Variants in CDH12 observed in about 807,000 individuals in gnomAD.
CDH12 encodes the protein cadherin 12.
Under a neutral mutation model 74.1 loss-of-function variants are expected in CDH12, and 41 were observed. The observed-to-expected ratio is 0.55, with a 90% confidence interval of 0.43 to 0.72. The LOEUF (loss-of-function observed/expected upper bound fraction) is 0.72. Ranked by LOEUF, CDH12 falls within the 30% of genes least tolerant of loss-of-function variation. The pLI is 0.00. For synonymous variants in CDH12, 399 were observed against 355.0 expected, an observed-to-expected ratio of 1.12 and a Z score of -1.39; for missense variants, 945 against 977.2, an observed-to-expected ratio of 0.97 and a Z score of 0.44.
At chr5:21,922,006 A>G (rs1561300743) in intron 6 of CDH12, among the ~76,000 whole-genome samples, 2 of 152,164 alleles carry the variant, frequency 1.3e-5, no homozygotes, top group African/African-American at 2.4e-5. Context: ...TTGACTGGTT[A>G]TAGTAACTTC....
At chr5:22,540,430 G>C (rs534115389) in intron 1 of CDH12, among the ~76,000 whole-genome samples, 1 of 152,108 alleles carries the variant, frequency 6.6e-6, no homozygotes, top group South Asian at 2.1e-4. Context: ...AAAAAGAAGG[G>C]TAAAAGAGAA....
intron 2 of CDH12, among the ~76,000 whole-genome samples, chr5:22,430,869 G>A (rs943969447): frequency 4.6e-5 from 7 of 151,926 alleles, no homozygotes; most frequent in African/African-American, 7.3e-5. Flanking sequence ...TCTCTTGCAG[G>A]TTAAAGATTC....
At chr5:22,301,356 T>C (rs943477090) in intron 3 of CDH12, among the ~76,000 whole-genome samples, 1 of 152,174 alleles carries the variant, frequency 6.6e-6, no homozygotes, top group Non-Finnish European at 1.5e-5. Context: ...CAAACTAATA[T>C]AGCTCACAGA....
chr5:22,285,947 C>T (rs562899294), intron 3 of CDH12, among the ~76,000 whole-genome samples: 15 of 152,006 alleles, frequency 9.9e-5, no homozygotes, highest in South Asian at 2.1e-4. Context: ...AAGATAAATG[C>T]ATATATATCT....
intron 1 of CDH12, among the ~76,000 whole-genome samples, chr5:22,825,427 A>G (rs1281565907): frequency 6.6e-6 from 1 of 152,160 alleles, no homozygotes; most frequent in Non-Finnish European, 1.5e-5. Flanking sequence ...ATATTTAAAT[A>G]AAGATCCGAA....
At chr5:22,762,107 A>G (rs1746259191) in intron 1 of CDH12, among the ~76,000 whole-genome samples, 1 of 152,154 alleles carries the variant, frequency 6.6e-6, no homozygotes, top group South Asian at 2.1e-4. Context: ...TAAACTGGCA[A>G]TCAAAGTCTA....
chr5:22,192,670 G>A (rs887760525), intron 4 of CDH12, among the ~76,000 whole-genome samples: 18 of 152,012 alleles, frequency 1.2e-4, no homozygotes, highest in African/African-American at 3.6e-4. Flanking sequence ...AATGGTGAGA[G>A]GTAAGGAGGG....
intron 4 of CDH12, among the ~76,000 whole-genome samples, chr5:22,194,144 T>A (rs1750467772): frequency 2.0e-5 from 3 of 152,086 alleles, no homozygotes; most frequent in Admixed American, 6.5e-5. Flanking sequence ...GCAGTCCTGG[T>A]AGGAAAAGAA....
Position 22,229,360 on chromosome 5 carries a change from CA to C in CDH12, c.-332-16718del, listed in dbSNP as rs34665859. On this transcript the variant is annotated intron_variant, in intron 3 of 14. Coordinates refer to ENST00000382254, the MANE Select transcript of CDH12 (RefSeq NM_004061.5). ...TTTACTTTATTTTTTCTGCCTTTTACAAAAAAAAAATGACTAGACATTAAGA... is the reference window on the plus strand; with the variant it reads ...TTTACTTTATTTTTTCTGCCTTTTACAAAAAAAAATGACTAGACATTAAGA... Among the ~76,000 whole-genome samples the C allele has an allele frequency of 1.2e-3, 154 of 125,394 alleles. 1 individual carries two copies. The highest frequency in any genetic ancestry group is 3.8e-3 in the African/African-American group (146 of 38,274). 82.3% of individuals were successfully genotyped at this position (125,394 alleles called of 152,430 possible). A position where few individuals can be genotyped will look rare whatever the true frequency, so the allele number is the denominator to read the frequency against.
At chr5:22,635,326 C>G (rs1738784675) in intron 1 of CDH12, among the ~76,000 whole-genome samples, 1 of 152,034 alleles carries the variant, frequency 6.6e-6, no homozygotes, top group Admixed American at 6.5e-5. Context: ...CATTCTCAAC[C>G]TAGATTCAAG....
chr5:21,890,711 T>C (rs1413063251), intron 6 of CDH12, among the ~76,000 whole-genome samples: 1 of 152,120 alleles, frequency 6.6e-6, no homozygotes, highest in Non-Finnish European at 1.5e-5. Flanking sequence ...CAGAGATGTA[T>C]ATAAAGGACA....
intron 3 of CDH12, among the ~76,000 whole-genome samples, chr5:22,350,862 C>A (rs981224353): frequency 6.6e-6 from 1 of 151,990 alleles, no homozygotes. Context: ...TGTTTATAGG[C>A]AAAGGTGAGG....
At chr5:22,470,832 T>C (rs1396902383) in intron 2 of CDH12, among the ~76,000 whole-genome samples, 2 of 150,360 alleles carry the variant, frequency 1.3e-5, no homozygotes, top group Non-Finnish European at 2.9e-5. Flanking sequence ...CCCTTTTTTT[T>C]CCATCATACT....
Position 22,359,511 on chromosome 5 carries a change from G to A in CDH12, c.-333+45746C>T, listed in dbSNP as rs185418031. On this transcript the variant is annotated intron_variant, in intron 3 of 14. Transcript: ENST00000382254. The stretch of plus-strand genomic sequence containing the variant: ...CTTCAACACCCCACTGTCAACATTA[G>A]ACAGATCAACGAGACAGAAAGTTAA... Among the ~76,000 whole-genome samples the A allele has an allele frequency of 1.1e-3, 161 of 152,214 alleles. 1 individual carries two copies. The highest frequency in any genetic ancestry group is 2.1e-4 in the Non-Finnish European group (14 of 68,008).
At chr5:22,676,363 G>A (rs1294807192) in intron 1 of CDH12, among the ~76,000 whole-genome samples, 2 of 152,130 alleles carry the variant, frequency 1.3e-5, no homozygotes, top group African/African-American at 4.8e-5. Context: ...TTTGTTCAGA[G>A]ACCTTATAAC....
At chr5:21,963,145 G>C (rs1756438637) in intron 6 of CDH12, among the ~76,000 whole-genome samples, 1 of 152,010 alleles carries the variant, frequency 6.6e-6, no homozygotes, top group Admixed American at 6.6e-5. Flanking sequence ...TATAGATAGA[G>C]ATTTAATTCT....
chr5:22,614,698 T>G (rs1194584465), intron 1 of CDH12, among the ~76,000 whole-genome samples: 1 of 152,158 alleles, frequency 6.6e-6, no homozygotes, highest in African/African-American at 2.4e-5. Flanking sequence ...TGTTTCCATC[T>G]CCTTTTCCAA....
intron 6 of CDH12, among the ~76,000 whole-genome samples, chr5:21,972,463 G>T (rs1333084874): frequency 2.0e-5 from 3 of 152,186 alleles, no homozygotes; most frequent in East Asian, 1.9e-4. Flanking sequence ...AGGGAGAATT[G>T]CCTCGATTAT....
chr5:22,478,674 T>G (rs933239901), intron 2 of CDH12, among the ~76,000 whole-genome samples: 1 of 151,914 alleles, frequency 6.6e-6, no homozygotes, highest in Non-Finnish European at 1.5e-5. Context: ...TGCTGCTTAC[T>G]AGATAGGTTG....
Sources: allele counts gnomAD v4.1 joint callset (sites outside exome capture counted in the v4.1 genomes callset), GRCh38; gene constraint gnomAD v4.1.1; transcripts MANE v1.5; gene names NCBI Gene and HGNC (gene_info 2026-07-23, HGNC 2026-07-21).